The following GLI3 variants were observed in gnomAD, a reference collection of about 807,000 sequenced individuals.
The protein encoded by GLI3 is transcription activator GLI3.
A neutral mutation model predicts 100.8 loss-of-function variants in GLI3; 20 were observed. The observed-to-expected ratio is 0.20, with a 90% CI of 0.14 to 0.29. The LOEUF is 0.29. Ranked by LOEUF, GLI3 falls within the 10% of genes least tolerant of loss-of-function variation. The probability of loss-of-function intolerance (pLI) is 1.00; values close to 1 mark genes in which losing one functional copy is unlikely to be tolerated. For missense variants in GLI3, 2,040 were observed against 2,128.5 expected (o/e 0.96, Z 0.82); for synonymous variants, 938 against 860.5 (o/e 1.09, Z -1.58).
chr7:42,255,966 C>A (rs7803010), intron 1 of GLI3, among the ~76,000 whole-genome samples: 22,004 of 152,150 alleles, frequency 0.14, 2,883 homozygotes, highest in African/African-American at 0.35. Flanking sequence ...TATTCTCACC[C>A]ACACTTGGTG....
intron 4 of GLI3, among the ~76,000 whole-genome samples, chr7:42,057,526 G>A (rs536894398): frequency 7.2e-5 from 11 of 152,318 alleles, no homozygotes; most frequent in Non-Finnish European, 1.3e-4. Flanking sequence ...TACTCAAAGA[G>A]TCATAGCAGC....
chr7:42,007,181 G>A (rs1788480777), intron 10 of GLI3, among the ~76,000 whole-genome samples: 1 of 142,294 alleles, frequency 7.0e-6, no homozygotes, highest in Admixed American at 7.2e-5. Context: ...GGGGAATAGA[G>A]TGAAGTGAAT....
Position 41,967,512 on chromosome 7 carries a change from T to A in GLI3, c.2431+84A>T, listed in dbSNP as rs953060816. ...GTCATTTTAGGACTGGTGGAGAAACTAGCAAACATAAAACTGAGGGCCTGC... is the reference window on the plus strand; with the variant it reads ...GTCATTTTAGGACTGGTGGAGAAACAAGCAAACATAAAACTGAGGGCCTGC... On this transcript the variant is annotated intron_variant, in intron 14 of 14. Transcript: ENST00000395925. 3 of 947,228 alleles carry A rather than the reference T, an allele frequency of 3.2e-6. No individual in the cohort carries two copies. The African/African-American group carries it at 5.0e-5, about 16-fold the overall frequency. 58.7% of individuals were successfully genotyped at this position (947,228 alleles called of 1,614,324 possible).
chr7:42,166,262 G>C (rs1787238798), intron 2 of GLI3, among the ~76,000 whole-genome samples: 1 of 152,170 alleles, frequency 6.6e-6, no homozygotes, highest in Non-Finnish European at 1.5e-5. Flanking sequence ...AGATCCTTGA[G>C]GGCAGGCGCT....
intron 3 of GLI3, among the ~76,000 whole-genome samples, chr7:42,119,835 A>G (rs1785951467): frequency 6.6e-6 from 1 of 152,204 alleles, no homozygotes; most frequent in Non-Finnish European, 1.5e-5. Context: ...AGTCACAACA[A>G]CATTAAGTGC....
intron 2 of GLI3, among the ~76,000 whole-genome samples, chr7:42,164,025 TGTAATGG>T (rs1787187595): frequency 6.6e-6 from 1 of 152,190 alleles, no homozygotes; most frequent in South Asian, 2.1e-4. Context: ...TTTTTCCTTT[TGTAATGG>T]GTCTATCTGG....
chr7:42,091,297 G>A (rs951319527), intron 3 of GLI3, among the ~76,000 whole-genome samples: 1 of 152,218 alleles, frequency 6.6e-6, no homozygotes, highest in African/African-American at 2.4e-5. Context: ...GGTACACTGG[G>A]TGATTGCACA....
chr7:41,964,215 G>C lies in GLI3; in HGVS notation c.*115C>G, dbSNP rs1018497834. On this transcript the variant is annotated 3_prime_UTR_variant, in exon 15 of 15. Transcript: ENST00000395925. ...TATAATTGAAACACATCTCAGTTAG[G>C]TGAGATGAGATTGCTAAAATACATA... 2.9e-5 allele frequency: 23 copies of C among 800,856 alleles called. No homozygotes were observed. The South Asian group carries it at 3.6e-4, about 12-fold the overall frequency. The allele number at this position is 800,856 out of a possible 1,614,324, so 49.6% of individuals were successfully genotyped here. A position where few individuals can be genotyped will look rare whatever the true frequency, so the allele number is the denominator to read the frequency against.
intron 2 of GLI3, among the ~76,000 whole-genome samples, chr7:42,210,350 C>A (rs914792916): frequency 1.5e-4 from 12 of 82,212 alleles, no homozygotes; most frequent in East Asian, 8.1e-4. Context: ...CCCCCCCCCC[C>A]CCCCAAGTTA....
intron 3 of GLI3, among the ~76,000 whole-genome samples, chr7:42,132,267 A>AT (rs542655206): frequency 0.032 from 2,781 of 85,636 alleles, 72 homozygotes; most frequent in South Asian, 0.17. Flanking sequence ...CGCCCGGCTA[A>AT]TTTTTTGTAT....
intron 2 of GLI3, among the ~76,000 whole-genome samples, chr7:42,169,765 A>AAAGAG (rs60134681): frequency 0.24 from 35,984 of 151,840 alleles, 4,330 homozygotes; most frequent in Non-Finnish European, 0.26. Context: ...GAAGAGAAGC[A>AAAGAG]AAGAGAAAAG....
At chr7:42,192,459 A>G (rs187378848) in intron 2 of GLI3, among the ~76,000 whole-genome samples, 1 of 152,184 alleles carries the variant, frequency 6.6e-6, no homozygotes, top group Admixed American at 6.5e-5. Context: ...AGGTATAGAT[A>G]AAGACAAAAG....
chr7:42,210,167 T>C (rs1583650276), intron 2 of GLI3, among the ~76,000 whole-genome samples: 1 of 152,076 alleles, frequency 6.6e-6, no homozygotes, highest in East Asian at 1.9e-4. Context: ...AGATTTCATA[T>C]TGGGCTTCAA....
chr7:42,139,479 A>G (rs1165741580), intron 3 of GLI3, among the ~76,000 whole-genome samples: 3 of 152,234 alleles, frequency 2.0e-5, no homozygotes, highest in Non-Finnish European at 4.4e-5. Context: ...TAGGAGTTCA[A>G]GACTAGCCTG....
chr7:42,235,895 G>A (rs945396007), intron 1 of GLI3, among the ~76,000 whole-genome samples: 2 of 152,248 alleles, frequency 1.3e-5, no homozygotes, highest in South Asian at 2.1e-4. Flanking sequence ...AGAGGGCCAT[G>A]AGCACTGTAC....
intron 2 of GLI3, among the ~76,000 whole-genome samples, chr7:42,189,245 A>G (rs887108099): frequency 1.3e-5 from 2 of 152,262 alleles, no homozygotes; most frequent in African/African-American, 4.8e-5. Context: ...CAGCCAATCA[A>G]TGGGATGTTT....
At chr7:42,089,861 T>G (rs544281675) in intron 3 of GLI3, among the ~76,000 whole-genome samples, 2 of 152,366 alleles carry the variant, frequency 1.3e-5, no homozygotes, top group East Asian at 3.9e-4. Context: ...ATAACAGTCA[T>G]GCATCTCTTA....
intron 4 of GLI3, among the ~76,000 whole-genome samples, chr7:42,060,722 T>C (rs1389644931): frequency 6.6e-6 from 1 of 152,126 alleles, no homozygotes; most frequent in Non-Finnish European, 1.5e-5. Context: ...TAGAAAAATA[T>C]TGACACCCAA....
rs1443415513 is a variant in GLI3 at position 42,155,441 on chromosome 7, A to AG, written c.125-6974_125-6973insC. Among the ~76,000 whole-genome samples, 7 of 122,670 alleles carry AG rather than the reference A, an allele frequency of 5.7e-5. No individual in the cohort carries two copies. The South Asian group carries it at 1.7e-3, about 31-fold the overall frequency. 80.5% of individuals were successfully genotyped at this position (122,670 alleles called of 152,430 possible). A position where few individuals can be genotyped will look rare whatever the true frequency, so the allele number is the denominator to read the frequency against. ...ACAACAAGAGTGAAACTCAGTCTCC[A>AG]AAAAAAAAAAAAGAAAGAAAAAGAA... On this transcript the variant is annotated intron_variant, in intron 2 of 14. Transcript: ENST00000395925.
Sources: gnomAD v4.1 joint callset for allele counts (sites outside exome capture counted in the v4.1 genomes callset) on GRCh38, gnomAD v4.1.1 for gene constraint, MANE v1.5 for transcripts, NCBI Gene and HGNC (gene_info 2026-07-23, HGNC 2026-07-21) for gene names.